The following ATRX variants were observed in gnomAD, a reference collection of about 807,000 sequenced individuals.
ATRX encodes chromatin remodeler ATRX.
Under a neutral mutation model 172.6 loss-of-function variants are expected in ATRX, and 12 were observed. That is an observed-to-expected ratio of 0.07 (90% CI 0.04 to 0.11). The LOEUF (loss-of-function observed/expected upper bound fraction) is 0.11, where lower values mean the gene tolerates loss of function less well. Among genes scored for constraint, ATRX ranks in the 10% least tolerant of loss-of-function variants. ATRX has a pLI of 1.00. For missense variants in ATRX, 1,368 were observed against 1,767.4 expected (o/e 0.77, Z 4.05); for synonymous variants, 674 against 594.7 (o/e 1.13, Z -1.94).
At chrX:77,603,426 C>T (rs1203391214) in intron 22 of ATRX, among the ~76,000 whole-genome samples, 3 of 109,069 alleles carry the variant, frequency 2.8e-5, no homozygotes, top group African/African-American at 1.0e-4. Flanking sequence ...AGTACAGTGG[C>T]GCAATCTCGG....
At chrX:77,711,473 AG>A (rs1393411330) in intron 2 of ATRX, among the ~76,000 whole-genome samples, 1 of 112,670 alleles carries the variant, frequency 8.9e-6, no homozygotes, top group Admixed American at 9.4e-5. Flanking sequence ...AATCTACAAG[AG>A]GGGGAAAAAT....
intron 11 of ATRX, among the ~76,000 whole-genome samples, chrX:77,664,334 A>G (rs2070111069): frequency 9.2e-6 from 1 of 108,724 alleles, no homozygotes; most frequent in Admixed American, 9.9e-5. Flanking sequence ...ATCTCGGCTC[A>G]CTGCAACCTC....
chrX:77,689,070 G>T (rs781872447), intron 6 of ATRX, 143 bp from the exon 7 acceptor site: 1 of 504,058 alleles, frequency 2.0e-6, no homozygotes, highest in African/African-American at 2.3e-5. Flanking sequence ...AAGTAAAAAA[G>T]GTTAATATTT....
intron 1 of ATRX, among the ~76,000 whole-genome samples, chrX:77,774,715 C>G (rs1251155594): frequency 9.0e-6 from 1 of 110,730 alleles, no homozygotes; most frequent in Non-Finnish European, 1.9e-5. Context: ...GCTAATCTCT[C>G]TTTTATTTTA....
At position 77,713,008 on chromosome X, in the gene ATRX, G is replaced by A. The variant is rs781980281; in HGVS notation, c.133+4123C>T. 4.6e-5 allele frequency among the ~76,000 whole-genome samples: 5 copies of A among 109,167 alleles called. No homozygotes were observed. In the East Asian group the frequency reaches 1.2e-3, roughly 25 times the overall value. The allele number at this position is 109,167 out of a possible 115,157, so 94.8% of individuals were successfully genotyped here. A position where few individuals can be genotyped will look rare whatever the true frequency, so the allele number is the denominator to read the frequency against. ...TACTAAAAATACAAAAATTAGCTGGGTATGGTGGCGCATGACTGTAGTCTC... is the reference window on the plus strand; with the variant it reads ...TACTAAAAATACAAAAATTAGCTGGATATGGTGGCGCATGACTGTAGTCTC... On this transcript the variant is annotated intron_variant, in intron 2 of 34. Transcript: ENST00000373344.
chrX:77,652,050 G>A, intron 15 of ATRX, 64 bp downstream of exon 15: 2 of 1,159,690 alleles, frequency 1.7e-6, no homozygotes, highest in Non-Finnish European at 2.3e-6. Context: ...TTCGAGGCCA[G>A]CCTGGGCAAC....
At chrX:77,763,615 C>T (rs1479513286) in intron 1 of ATRX, among the ~76,000 whole-genome samples, 1 of 107,130 alleles carries the variant, frequency 9.3e-6, no homozygotes, top group African/African-American at 3.4e-5. Context: ...GGATTACAGG[C>T]GCCCACCACC....
At chrX:77,722,027 T>C (rs1035148557) in intron 1 of ATRX, among the ~76,000 whole-genome samples, 6 of 111,371 alleles carry the variant, frequency 5.4e-5, no homozygotes, top group Middle Eastern at 4.6e-3. Context: ...ACCACATATC[T>C]ACAACCATCT....
intron 2 of ATRX, among the ~76,000 whole-genome samples, chrX:77,701,228 C>T (rs2072489106): frequency 1.8e-5 from 2 of 111,238 alleles, no homozygotes; most frequent in South Asian, 3.8e-4. Context: ...TCTTTTTTTT[C>T]TGGCCAGGTG....
At chrX:77,756,711 G>A (rs1557190412) in intron 1 of ATRX, among the ~76,000 whole-genome samples, 1 of 110,302 alleles carries the variant, frequency 9.1e-6, no homozygotes, top group East Asian at 2.8e-4. Context: ...TACCTCAGTT[G>A]GAAATGAAGA....
chrX:77,574,801 T>C (rs193204667), intron 27 of ATRX, among the ~76,000 whole-genome samples: 49 of 111,734 alleles, frequency 4.4e-4, no homozygotes, highest in Non-Finnish European at 1.1e-4. Flanking sequence ...AACAAATCTT[T>C]ACTGAATGCC....
intron 1 of ATRX, among the ~76,000 whole-genome samples, chrX:77,734,187 A>G (rs2074430102): frequency 9.4e-6 from 1 of 106,842 alleles, no homozygotes; most frequent in Non-Finnish European, 1.9e-5. Context: ...AGCCTCGACA[A>G]AAGAGCAAGA....
At chrX:77,600,714 TAAAAC>T (rs2066642132) in intron 22 of ATRX, 150 bp from the exon 23 acceptor site, 4 of 524,801 alleles carry the variant, frequency 7.6e-6, no homozygotes, top group Non-Finnish European at 6.1e-6. Context: ...TTGAAACACA[TAAAAC>T]AAATAGGATT....
chrX:77,739,178 A>C (rs781981050), intron 1 of ATRX, among the ~76,000 whole-genome samples: 1 of 110,280 alleles, frequency 9.1e-6, no homozygotes, highest in African/African-American at 3.3e-5. Flanking sequence ...CCACTGTGTC[A>C]TTCTTATGCC....
intron 21 of ATRX, among the ~76,000 whole-genome samples, chrX:77,617,104 A>G (rs186942189): frequency 1.8e-5 from 2 of 111,935 alleles, no homozygotes; most frequent in Admixed American, 1.9e-4. Context: ...TGCTTTAATC[A>G]TGTAATAAAA....
At chrX:77,785,221 A>C (rs2076691705) in intron 1 of ATRX, among the ~76,000 whole-genome samples, 1 of 110,915 alleles carries the variant, frequency 9.0e-6, no homozygotes, top group Non-Finnish European at 1.9e-5. Context: ...TAAGTAAATA[A>C]AGATAGGGCC....
Position 77,681,917 on chromosome X carries a change from C to G in ATRX, c.3339G>C (p.Glu1113Asp). ...AACCATCTTCTTTCATGGAATATTTCTCAGTATCAGATGATGAACAATCTT... is the reference window on the plus strand; with the variant it reads ...AACCATCTTCTTTCATGGAATATTTGTCAGTATCAGATGATGAACAATCTT... ...KRQDCSSSDT[E>D]KYSMKEDGCN... The change falls in exon 9 of 35, where the codon GAG becomes GAC. Residue 1113 changes from glutamate (E) to aspartate (D), a missense_variant. Physicochemically the swap from Glu to Asp is conservative, Grantham distance 45. Coordinates refer to ENST00000373344, the MANE Select transcript of ATRX (RefSeq NM_000489.6). The G allele has an allele frequency of 8.3e-7, 1 of 1,210,516 alleles. No homozygotes were observed. The highest frequency in any genetic ancestry group is 1.1e-6 in the Non-Finnish European group (1 of 894,947).
intron 1 of ATRX, among the ~76,000 whole-genome samples, chrX:77,772,066 G>A (rs1346546275): frequency 3.6e-5 from 4 of 110,646 alleles, no homozygotes; most frequent in Non-Finnish European, 7.6e-5. Context: ...AGGCCGAGGC[G>A]GGCGGATCAC....
At chrX:77,748,048 A>C (rs948440250) in intron 1 of ATRX, among the ~76,000 whole-genome samples, 2 of 111,887 alleles carry the variant, frequency 1.8e-5, no homozygotes, top group East Asian at 2.8e-4. Flanking sequence ...GCATTCCTAT[A>C]CCTGTAGCTA....
Sources: gnomAD v4.1 joint callset for allele counts (sites outside exome capture counted in the v4.1 genomes callset) on GRCh38, gnomAD v4.1.1 for gene constraint, MANE v1.5 for transcripts, NCBI Gene and HGNC (gene_info 2026-07-23, HGNC 2026-07-21) for gene names.